The following CSNK1G1 variants were observed in gnomAD, a reference collection of about 807,000 sequenced individuals.
CSNK1G1 encodes casein kinase I isoform gamma-1.
CSNK1G1 carries 22 observed loss-of-function variants against 59.6 expected under a neutral mutation model. The ratio of observed to expected loss-of-function variants is 0.37; its 90% CI spans 0.26 to 0.53. The LOEUF is 0.53. Among genes scored for constraint, CSNK1G1 ranks in the 20% least tolerant of loss-of-function variants. CSNK1G1 has a pLI of 0.89. For missense variants in CSNK1G1, 384 were observed against 519.5 expected (o/e 0.74, Z 2.54); for synonymous variants, 179 against 177.1 (o/e 1.01, Z -0.08).
intron 10 of CSNK1G1, among the ~76,000 whole-genome samples, chr15:64,191,609 C>T (rs1032968200): frequency 6.6e-6 from 1 of 152,038 alleles, no homozygotes; most frequent in East Asian, 1.9e-4. Context: ...AATGAAAATA[C>T]CAAGACATTT....
intron 11 of CSNK1G1, 123 bp from the exon 12 acceptor site, chr15:64,172,108 C>T (rs2081675834): frequency 4.9e-6 from 4 of 822,218 alleles, no homozygotes; most frequent in South Asian, 4.1e-5. Context: ...AGGGACCACC[C>T]ACCATCTACA....
At chr15:64,275,657 GT>G (rs1893568280) in intron 2 of CSNK1G1, among the ~76,000 whole-genome samples, 2 of 151,996 alleles carry the variant, frequency 1.3e-5, no homozygotes, top group Non-Finnish European at 2.9e-5. Context: ...ATGCTCAAAT[GT>G]TTTCTAAAGT....
At chr15:64,346,273 G>A (rs982407393) in intron 1 of CSNK1G1, among the ~76,000 whole-genome samples, 1 of 148,876 alleles carries the variant, frequency 6.7e-6, no homozygotes, top group Non-Finnish European at 1.5e-5. Context: ...TCACCCATGT[G>A]CATGCATATA....
chr15:64,213,872 G>A lies in CSNK1G1; in HGVS notation c.679+18C>T. On this transcript the variant is annotated intron_variant, in intron 6 of 11. Coordinates refer to ENST00000303052, the MANE Select transcript of CSNK1G1 (RefSeq NM_022048.5). ...GTTCTAATGACTCGCCCCTTTCATG[G>A]AACAGAAAAAAACACACCTTTGCCA... 1 of 1,541,532 alleles carries A rather than the reference G, an allele frequency of 6.5e-7. No homozygotes were observed. Among genetic ancestry groups the A allele is most frequent in the Non-Finnish European group, 9.0e-7 (1 of 1,114,540 alleles).
chr15:64,171,797 C>A lies in CSNK1G1; in HGVS notation c.*134G>T. 1 of 795,082 alleles carries A rather than the reference C, an allele frequency of 1.3e-6. No individual in the cohort carries two copies. The highest frequency in any genetic ancestry group is 1.5e-5 in the South Asian group (1 of 67,552). The allele number at this position is 795,082 out of a possible 1,614,324, so 49.3% of individuals were successfully genotyped here. ...TGCCCGCACTGGCCCCTTCTGGGGG[C>A]ATCTGTTTTCTTCTTTTTGGTTTGG... is the stretch of plus-strand genomic sequence containing the variant. On this transcript the variant is annotated 3_prime_UTR_variant, in exon 12 of 12. Transcript: ENST00000303052. The surrounding 1 kb of genome is among the most constrained non-coding windows in gnomAD (Gnocchi z 4.8).
intron 1 of CSNK1G1, among the ~76,000 whole-genome samples, chr15:64,322,569 C>T (rs1027465767): frequency 1.3e-5 from 2 of 152,042 alleles, no homozygotes; most frequent in African/African-American, 4.8e-5. Context: ...AATCCCAGCA[C>T]TTTGGGAGGC....
intron 1 of CSNK1G1, among the ~76,000 whole-genome samples, chr15:64,314,050 C>A (rs1031737032): frequency 6.6e-6 from 1 of 152,094 alleles, no homozygotes; most frequent in African/African-American, 2.4e-5. Context: ...CGGGACGATG[C>A]TACATATCAA....
rs147432168 is a variant in CSNK1G1 at position 64,172,760 on chromosome 15, C to A, written c.1215-775G>T. Reference sequence around the variant, plus strand: ...GTGCCAGATGGGGTTTATGAACTGGCCTTGTTTAGGATGGAGGTGGGATTG... The same window carrying A: ...GTGCCAGATGGGGTTTATGAACTGGACTTGTTTAGGATGGAGGTGGGATTG... On this transcript the variant is annotated intron_variant, in intron 11 of 11. Coordinates refer to ENST00000303052, the MANE Select transcript of CSNK1G1 (RefSeq NM_022048.5). 7.9e-5 allele frequency among the ~76,000 whole-genome samples: 12 copies of A among 152,272 alleles called. No homozygotes were observed. The East Asian group carries it at 1.7e-3, about 22-fold the overall frequency.
chr15:64,333,257 C>CAAAAAAAAAAAAAAAAAAAAA lies in CSNK1G1; in HGVS notation c.-225+22710_-225+22730dup, dbSNP rs60857897. 1.2e-4 allele frequency among the ~76,000 whole-genome samples: 2 copies of CAAAAAAAAAAAAAAAAAAAAA among 16,502 alleles called. 1 individual carries two copies. Among genetic ancestry groups the CAAAAAAAAAAAAAAAAAAAAA allele is most frequent in the African/African-American group, 5.8e-4 (2 of 3,478 alleles). The allele number at this position is 16,502 out of a possible 152,430, so 10.8% of individuals were successfully genotyped here. On this transcript the variant is annotated intron_variant, in intron 1 of 11. Transcript: ENST00000303052. ...GAGCAACAAGAGTGAGACTCCATCT[C>CAAAAAAAAAAAAAAAAAAAAA]AAAAAAAAAAAAAAAAAAAAAAAAA...
intron 6 of CSNK1G1, among the ~76,000 whole-genome samples, chr15:64,211,437 G>C (rs2082247839): frequency 6.6e-6 from 1 of 152,118 alleles, no homozygotes; most frequent in South Asian, 2.1e-4. Context: ...TATGATGACA[G>C]GTTAGATTTG....
intron 10 of CSNK1G1, chr15:64,189,384 A>G: frequency 7.9e-7 from 1 of 1,268,114 alleles, no homozygotes; most frequent in Non-Finnish European, 1.0e-6. Flanking sequence ...CTCATATGTG[A>G]CTTTTGTCCA....
intron 2 of CSNK1G1, 35 bp from the exon 3 acceptor site, chr15:64,259,276 CATTT>C (rs777144744): frequency 6.5e-7 from 1 of 1,526,782 alleles, no homozygotes; most frequent in Middle Eastern, 1.8e-4. Context: ...GTTTTAGTGA[CATTT>C]ATTCTGGGAA....
At chr15:64,250,263 G>T (rs35936293) in intron 4 of CSNK1G1, among the ~76,000 whole-genome samples, 1,588 of 152,244 alleles carry the variant, frequency 0.01, 15 homozygotes, top group Non-Finnish European at 0.015. Flanking sequence ...AGGCTACTGT[G>T]AGCAAGAATT....
chr15:64,299,509 A>G (rs1376511055), intron 2 of CSNK1G1, among the ~76,000 whole-genome samples: 2 of 151,320 alleles, frequency 1.3e-5, no homozygotes, highest in East Asian at 3.9e-4. Flanking sequence ...GGAGAATGGC[A>G]TGAACCCGGG....
intron 4 of CSNK1G1, among the ~76,000 whole-genome samples, chr15:64,247,041 G>A (rs1450965153): frequency 1.3e-5 from 2 of 151,986 alleles, no homozygotes; most frequent in African/African-American, 4.8e-5. Flanking sequence ...TTCCTAATAC[G>A]GATCTGTTTC....
At chr15:64,349,487 C>T (rs1566957394) in intron 1 of CSNK1G1, among the ~76,000 whole-genome samples, 3 of 152,144 alleles carry the variant, frequency 2.0e-5, no homozygotes, top group Admixed American at 1.3e-4. Flanking sequence ...AGCACCCCAA[C>T]CCCCACTATA....
chr15:64,270,416 T>C lies in CSNK1G1; in HGVS notation c.182-11175A>G, dbSNP rs377466726. On this transcript the variant is annotated intron_variant, in intron 2 of 11. Coordinates refer to ENST00000303052, the MANE Select transcript of CSNK1G1 (RefSeq NM_022048.5). Reference sequence around the variant, plus strand: ...TACTAGGTTGTTAATTTGAGATCTTTCTAACTTTTTGATGTGGACATTTAT... The same window carrying C: ...TACTAGGTTGTTAATTTGAGATCTTCCTAACTTTTTGATGTGGACATTTAT... 4.6e-5 allele frequency among the ~76,000 whole-genome samples: 7 copies of C among 152,296 alleles called. No homozygotes were observed. In the South Asian group the frequency reaches 6.2e-4, roughly 14 times the overall value.
chr15:64,209,479 T>C (rs2082224045), intron 6 of CSNK1G1, among the ~76,000 whole-genome samples: 1 of 151,628 alleles, frequency 6.6e-6, no homozygotes, highest in Non-Finnish European at 1.5e-5. Context: ...TTGATGGAGG[T>C]TGTAAAAAGA....
chr15:64,337,599 C>T (rs1365594366), intron 1 of CSNK1G1, among the ~76,000 whole-genome samples: 1 of 152,106 alleles, frequency 6.6e-6, no homozygotes, highest in African/African-American at 2.4e-5. Context: ...CTTCCCAAAG[C>T]TCTGGGATTA....
Sources: gnomAD v4.1 joint callset for allele counts (sites outside exome capture counted in the v4.1 genomes callset) on GRCh38, gnomAD v4.1.1 for gene constraint, Gnocchi (gnomAD v3.1) non-coding constraint, MANE v1.5 for transcripts, NCBI Gene and HGNC (gene_info 2026-07-23, HGNC 2026-07-21) for gene names.